Variants in LMNB1 observed in about 807,000 individuals in gnomAD.
The protein encoded by LMNB1 is lamin B1.
A neutral mutation model predicts 67.1 loss-of-function variants in LMNB1; 23 were observed. That is an observed-to-expected ratio of 0.34 (90% CI 0.25 to 0.49). The LOEUF (loss-of-function observed/expected upper bound fraction) is 0.49, where lower values mean the gene tolerates loss of function less well. Ranked by LOEUF, LMNB1 falls within the 20% of genes least tolerant of loss-of-function variation. The pLI is 0.99. For synonymous variants in LMNB1, 281 were observed against 282.9 expected (o/e 0.99, Z 0.07); for missense variants, 634 against 746.5 (o/e 0.85, Z 1.76).
intron 1 of LMNB1, among the ~76,000 whole-genome samples, chr5:126,789,407 G>A (rs571712607): frequency 6.6e-6 from 1 of 152,192 alleles, no homozygotes; most frequent in Non-Finnish European, 1.5e-5. Flanking sequence ...TCCAAATTGG[G>A]ATACTTTTGT....
intron 5 of LMNB1, 113 bp from the exon 6 acceptor site, chr5:126,818,809 A>C: frequency 1.3e-6 from 1 of 750,382 alleles, no homozygotes; most frequent in Non-Finnish European, 2.3e-6. Context: ...CTAGTGAGTT[A>C]GAGATTCCAT....
intron 1 of LMNB1, among the ~76,000 whole-genome samples, chr5:126,800,747 G>A (rs1751251761): frequency 7.0e-6 from 1 of 142,466 alleles, no homozygotes; most frequent in African/African-American, 2.6e-5. Flanking sequence ...CTGCCTCCCG[G>A]GTTCAAGCGA....
At chr5:126,813,540 A>G (rs1751630562) in intron 5 of LMNB1, among the ~76,000 whole-genome samples, 1 of 152,172 alleles carries the variant, frequency 6.6e-6, no homozygotes. Flanking sequence ...ACAAACTACT[A>G]TTGACTTGGT....
intron 1 of LMNB1, among the ~76,000 whole-genome samples, chr5:126,792,267 C>T (rs1247228117): frequency 4.6e-5 from 7 of 151,830 alleles, no homozygotes; most frequent in South Asian, 2.1e-4. Flanking sequence ...CTCAGCCTCC[C>T]GAGTAACTGG....
intron 9 of LMNB1, among the ~76,000 whole-genome samples, chr5:126,829,338 G>A (rs1184087819): frequency 6.6e-6 from 1 of 151,936 alleles, no homozygotes; most frequent in African/African-American, 2.4e-5. Flanking sequence ...ATAGCTGCTG[G>A]CTGCTCCCAG....
chr5:126,787,546 A>ATATTTTTTTTTTTTTTTTTTTTTTTT, intron 1 of LMNB1, among the ~76,000 whole-genome samples: 2 of 65,584 alleles, frequency 3.0e-5, no homozygotes, highest in Non-Finnish European at 5.5e-5. Flanking sequence ...ATATATATAT[A>ATATTTTTTTTTTTTTTTTTTTTTTTT]TTTTTTTTTT....
At chr5:126,798,762 A>ATGTGTGTGT (rs142450316) in intron 1 of LMNB1, among the ~76,000 whole-genome samples, 48 of 149,178 alleles carry the variant, frequency 3.2e-4, no homozygotes, top group African/African-American at 1.1e-3. Context: ...AAAAAAGAGA[A>ATGTGTGTGT]GTGTGTGTGT....
chr5:126,829,085 C>T (rs916623406), intron 9 of LMNB1, among the ~76,000 whole-genome samples: 14 of 151,870 alleles, frequency 9.2e-5, no homozygotes, highest in African/African-American at 3.4e-4. Context: ...CCATAAAGAC[C>T]AGTTTGCAGT....
At chr5:126,825,950 G>A in intron 8 of LMNB1, 38 bp from the exon 9 acceptor site, 2 of 1,612,328 alleles carry the variant, frequency 1.2e-6, no homozygotes, top group Non-Finnish European at 1.7e-6. Context: ...TGGGAGAACT[G>A]GGTTCTGGGT....
intron 1 of LMNB1, among the ~76,000 whole-genome samples, chr5:126,793,745 G>A (rs531547548): frequency 4.1e-4 from 63 of 152,032 alleles, no homozygotes; most frequent in African/African-American, 1.5e-3. Context: ...ATGTAGTGTC[G>A]GGCGCCTGTA....
intron 1 of LMNB1, among the ~76,000 whole-genome samples, chr5:126,792,031 T>A (rs1271332900): frequency 2.0e-5 from 3 of 151,988 alleles, no homozygotes; most frequent in Non-Finnish European, 2.9e-5. Context: ...GATCCACCTA[T>A]CGCTGCCTTC....
At chr5:126,812,109 G>C (rs1317838562) in intron 5 of LMNB1, among the ~76,000 whole-genome samples, 1 of 152,106 alleles carries the variant, frequency 6.6e-6, no homozygotes, top group Non-Finnish European at 1.5e-5. Context: ...TTCCTAATTA[G>C]TAGATTACAC....
At chr5:126,807,577 T>C (rs1195797198) in intron 3 of LMNB1, among the ~76,000 whole-genome samples, 3 of 152,240 alleles carry the variant, frequency 2.0e-5, no homozygotes, top group Non-Finnish European at 4.4e-5. Context: ...TGCTGTCATA[T>C]AATTGTTACT....
chr5:126,777,619 C>G lies in LMNB1; in HGVS notation c.111C>G (p.Arg37=), dbSNP rs1391947477. The G allele has an allele frequency of 3.9e-6, 6 of 1,540,848 alleles. No individual in the cohort carries two copies. Among genetic ancestry groups the G allele is most frequent in the Non-Finnish European group, 5.2e-6 (6 of 1,143,320 alleles). The change falls in exon 1 of 11, where the codon CGC becomes CGG. Residue 37 remains arginine, a synonymous_variant. Coordinates refer to ENST00000261366, the MANE Select transcript of LMNB1 (RefSeq NM_005573.4). ...GGCTCCAGGAGAAGGAGGAGCTGCG[C>G]GAGCTCAATGACCGGCTGGCGGTGT... The part of the protein sequence containing the change: ...LSRLQEKEEL[R]ELNDRLAVYI...
In LMNB1 at chr5:126,826,025, C is replaced by T. The variant is rs192973081; in HGVS notation, c.1529C>T (p.Pro510Leu). 6.2e-7 allele frequency: 1 copy of T among 1,614,004 alleles called. No individual in the cohort carries two copies. The highest frequency in any genetic ancestry group is 8.5e-7 in the Non-Finnish European group (1 of 1,179,938). ...AANAGVTASP[P>L]TDLIWKNQNS... ...AACGCTGGTGTCACAGCCAGCCCCCCAACTGACCTCATCTGGAAGAACCAG... is the reference window on the plus strand; with the variant it reads ...AACGCTGGTGTCACAGCCAGCCCCCTAACTGACCTCATCTGGAAGAACCAG... The change falls in exon 9 of 11, where the codon CCA (proline) becomes CTA (leucine). Residue 510 changes from proline to leucine, a missense_variant. Pro to Leu is a moderately conservative substitution (Grantham distance 98). Transcript: ENST00000261366.
chr5:126,815,595 G>A (rs1751688019), intron 5 of LMNB1, among the ~76,000 whole-genome samples: 1 of 152,104 alleles, frequency 6.6e-6, no homozygotes, highest in Admixed American at 6.6e-5. Flanking sequence ...ATCATCAGAA[G>A]TCATAAAATT....
intron 1 of LMNB1, among the ~76,000 whole-genome samples, chr5:126,802,568 C>CTA (rs1751311771): frequency 6.6e-6 from 1 of 152,138 alleles, no homozygotes; most frequent in Admixed American, 6.5e-5. Context: ...CTCAGCCTCC[C>CTA]AGGTAGCTGG....
chr5:126,825,116 C>G (rs1396510704), intron 8 of LMNB1, among the ~76,000 whole-genome samples: 1 of 152,094 alleles, frequency 6.6e-6, no homozygotes, highest in Non-Finnish European at 1.5e-5. Context: ...AATGATCTTT[C>G]TAAGAGATCA....
At chr5:126,778,707 C>T (rs895204514) in intron 1 of LMNB1, among the ~76,000 whole-genome samples, 2 of 152,120 alleles carry the variant, frequency 1.3e-5, no homozygotes, top group Admixed American at 6.5e-5. Context: ...AGGCAGCGGC[C>T]CTCTGTCCCC....
Sources: gnomAD v4.1 joint callset for allele counts (sites outside exome capture counted in the v4.1 genomes callset) on GRCh38, gnomAD v4.1.1 for gene constraint, MANE v1.5 for transcripts, NCBI Gene and HGNC (gene_info 2026-07-23, HGNC 2026-07-21) for gene names.